Variants in FABP12 observed in about 807,000 individuals in gnomAD.
FABP12 encodes the protein fatty acid binding protein 12, also known as fatty acid-binding protein 12.
A neutral mutation model predicts 13.7 loss-of-function variants in FABP12; 19 were observed. The observed-to-expected ratio is 1.39, with a 90% CI of 0.97 to 2.04. FABP12 has a LOEUF of 2.04. Ranked by LOEUF, FABP12 falls within the 30% of genes most tolerant of loss-of-function variation. The pLI is 0.00. For missense variants in FABP12, 182 were observed against 164.2 expected, an observed-to-expected ratio of 1.11 and a Z score of -0.59; for synonymous variants, 61 against 57.0, an observed-to-expected ratio of 1.07 and a Z score of -0.32.
intron 1 of FABP12, among the ~76,000 whole-genome samples, chr8:81,576,923 G>A (rs1007245016): frequency 2.0e-5 from 3 of 152,140 alleles, no homozygotes; most frequent in Non-Finnish European, 4.4e-5. Flanking sequence ...TCTAAAAGTG[G>A]CAGAAGTTAT....
At chr8:81,574,742 T>G (rs936469707) in intron 1 of FABP12, among the ~76,000 whole-genome samples, 4 of 152,176 alleles carry the variant, frequency 2.6e-5, no homozygotes, top group Non-Finnish European at 4.4e-5. Context: ...TGTGTGAAGG[T>G]GTTCATAGTA....
chr8:81,545,968 C>T (rs1474211831), intron 1 of FABP12, among the ~76,000 whole-genome samples: 1 of 152,180 alleles, frequency 6.6e-6, no homozygotes, highest in East Asian at 1.9e-4. Flanking sequence ...TCTGGATACA[C>T]AATTAGTAAG....
chr8:81,555,213 T>G (rs1481473174), intron 1 of FABP12, among the ~76,000 whole-genome samples: 1 of 152,138 alleles, frequency 6.6e-6, no homozygotes, highest in African/African-American at 2.4e-5. Context: ...AACCACGGAT[T>G]TGTTAGTCAA....
chr8:81,527,259 A>G, intron 3 of FABP12, 138 bp from the exon 4 acceptor site: 1 of 488,328 alleles, frequency 2.0e-6, no homozygotes, highest in African/African-American at 2.0e-5. Flanking sequence ...TATTTATTTT[A>G]AGACTTTGTC....
chr8:81,532,607 G>A (rs1239615016), intron 1 of FABP12, among the ~76,000 whole-genome samples: 1 of 152,220 alleles, frequency 6.6e-6, no homozygotes, highest in Non-Finnish European at 1.5e-5. Context: ...CAGATCATGA[G>A]GTCAGGAGTT....
At chr8:81,574,694 A>G (rs185777824) in intron 1 of FABP12, among the ~76,000 whole-genome samples, 1 of 152,190 alleles carries the variant, frequency 6.6e-6, no homozygotes, top group East Asian at 1.9e-4. Context: ...GTATTTTTCC[A>G]GGAATTTATC....
chr8:81,576,270 C>T (rs919248908), intron 1 of FABP12, among the ~76,000 whole-genome samples: 5 of 151,906 alleles, frequency 3.3e-5, no homozygotes, highest in African/African-American at 7.3e-5. Context: ...TAGAGGGGGG[C>T]CTTGAAATTT....
exon 3 of FABP12, chr8:81,529,467 C>T: frequency 6.2e-7 from 1 of 1,613,906 alleles, no homozygotes; most frequent in South Asian, 1.1e-5. Flanking sequence ...GGCGTGATTT[C>T]CTCAAACTCT....
At chr8:81,589,706 G>C (rs1296890423) in intron 1 of FABP12, among the ~76,000 whole-genome samples, 1 of 152,152 alleles carries the variant, frequency 6.6e-6, no homozygotes, top group Admixed American at 6.6e-5. Flanking sequence ...TGGGTTGCTG[G>C]GAGCAAAGCA....
chr8:81,565,975 A>G (rs1585853377), intron 1 of FABP12, among the ~76,000 whole-genome samples: 1 of 152,192 alleles, frequency 6.6e-6, no homozygotes, highest in Middle Eastern at 3.4e-3. Context: ...TCAGAGATAA[A>G]AAGGAAACAT....
At chr8:81,530,320 C>T (rs1404503654) in intron 2 of FABP12, among the ~76,000 whole-genome samples, 2 of 152,140 alleles carry the variant, frequency 1.3e-5, no homozygotes, top group East Asian at 3.9e-4. Flanking sequence ...TATACTTTTT[C>T]ATAGTACATA....
chr8:81,564,994 AC>A (rs1414425293), intron 1 of FABP12, among the ~76,000 whole-genome samples: 7 of 152,168 alleles, frequency 4.6e-5, no homozygotes, highest in African/African-American at 1.2e-4. Context: ...ATATAAAAAA[AC>A]AATCATACCA....
At position 81,550,003 on chromosome 8, in the gene FABP12, T is replaced by C. The variant is rs368212122; in HGVS notation, c.-184-10260A>G. 7.9e-5 allele frequency among the ~76,000 whole-genome samples: 12 copies of C among 152,360 alleles called. No homozygotes were observed. The East Asian group carries it at 1.3e-3, about 17-fold the overall frequency. On this transcript the variant is annotated intron_variant, in intron 1 of 5. Transcript: ENST00000692030. ...TGCTTATTATACTCTGTTATAGCTA[T>C]GGAGTTAAGCGAATTTTCTCTGTTC...
upstream of FABP12, among the ~76,000 whole-genome samples, chr8:81,538,150 G>C (rs943381383): frequency 1.3e-5 from 2 of 152,138 alleles, no homozygotes; most frequent in African/African-American, 4.8e-5. Flanking sequence ...ACCAGATCTT[G>C]TGTGAGCTCA....
chr8:81,525,333 C>T (rs1216887283), intron 4 of FABP12, among the ~76,000 whole-genome samples: 3 of 151,902 alleles, frequency 2.0e-5, no homozygotes, highest in African/African-American at 4.8e-5. Flanking sequence ...CTGGCCAACA[C>T]GGTGAAACCC....
intron 4 of FABP12, 110 bp from the exon 5 acceptor site, chr8:81,525,230 G>A: frequency 1.4e-6 from 1 of 733,422 alleles, no homozygotes. Context: ...AATATTGAAA[G>A]AGAGGCCGGG....
At chr8:81,575,996 T>C (rs971341187) in intron 1 of FABP12, among the ~76,000 whole-genome samples, 3 of 152,240 alleles carry the variant, frequency 2.0e-5, no homozygotes, top group African/African-American at 7.2e-5. Context: ...CTGTTCTATA[T>C]AGCTAATCAG....
At chr8:81,525,193 G>T in intron 4 of FABP12, 73 bp from the exon 5 acceptor site, 1 of 979,230 alleles carries the variant, frequency 1.0e-6, no homozygotes, top group Non-Finnish European at 1.6e-6. Flanking sequence ...TGCAAACTAA[G>T]TACTATCCAC....
chr8:81,536,628 A>T (rs1795908796), upstream of FABP12, among the ~76,000 whole-genome samples: 1 of 152,260 alleles, frequency 6.6e-6, no homozygotes, highest in Non-Finnish European at 1.5e-5. Flanking sequence ...GGGGATTGAA[A>T]TAGAAATCCG....
Sources: gnomAD v4.1 joint callset for allele counts (sites outside exome capture counted in the v4.1 genomes callset) on GRCh38, gnomAD v4.1.1 for gene constraint, MANE v1.5 for transcripts, NCBI Gene and HGNC (gene_info 2026-07-23, HGNC 2026-07-21) for gene names.